The following CRY2 variants were observed in gnomAD, a reference collection of about 807,000 sequenced individuals.
CRY2 encodes cryptochrome-2.
In CRY2, 31 loss-of-function variants were observed where a neutral mutation model predicts 69.5. The observed-to-expected ratio is 0.45, with a 90% CI of 0.34 to 0.60. The LOEUF (loss-of-function observed/expected upper bound fraction) is 0.60, where lower values mean the gene tolerates loss of function less well. Ranked by LOEUF, CRY2 falls within the 20% of genes least tolerant of loss-of-function variation. The pLI, the probability that CRY2 is intolerant of heterozygous loss-of-function variation, is 0.02. For missense variants in CRY2, 606 were observed against 797.8 expected (o/e 0.76, Z 2.90); for synonymous variants, 303 against 312.2 (o/e 0.97, Z 0.31).
intron 2 of CRY2, 50 bp downstream of exon 2, chr11:45,856,140 T>C (rs1467759318): frequency 7.3e-7 from 1 of 1,378,050 alleles, no homozygotes; most frequent in Admixed American, 1.7e-5. Context: ...TCCCTGACGG[T>C]TTCCCCACAG....
chr11:45,869,058 T>A (rs2086353570), intron 6 of CRY2, among the ~76,000 whole-genome samples: 1 of 152,236 alleles, frequency 6.6e-6, no homozygotes, highest in Non-Finnish European at 1.5e-5. Flanking sequence ...GAGGTCTGAT[T>A]TCTTAATTAC....
upstream of CRY2, chr11:45,847,180 T>G: frequency 6.5e-7 from 1 of 1,548,772 alleles, no homozygotes. Flanking sequence ...CCCTTGAGAC[T>G]TGGCCTACTC....
chr11:45,858,959 G>A (rs1181376901), intron 3 of CRY2, 86 bp downstream of exon 3: 5 of 1,512,284 alleles, frequency 3.3e-6, no homozygotes, highest in Non-Finnish European at 4.5e-6. Flanking sequence ...GAGAGGTTCA[G>A]CATTAGGGCT....
At position 45,860,900 on chromosome 11, in the gene CRY2, G is replaced by A. The variant is rs765837963; in HGVS notation, c.520G>A (p.Ala174Thr). Residue 174 changes from alanine to threonine, a missense_variant, in exon 4 of 12, where the codon GCC becomes ACC. Transcript: ENST00000616080. ...ACCCCTTACATACAAGCGCTTTCAG[G>A]CCATCATCAGCCGCATGGAGCTGCC... ...KPPLTYKRFQ[A>T]IISRMELPKK... The A allele has an allele frequency of 4.3e-6, 7 of 1,613,994 alleles. No individual in the cohort carries two copies. Among genetic ancestry groups the A allele is most frequent in the Non-Finnish European group, 5.9e-6 (7 of 1,180,044 alleles).
At chr11:45,860,503 C>T (rs755524246) in intron 3 of CRY2, among the ~76,000 whole-genome samples, 11 of 151,910 alleles carry the variant, frequency 7.2e-5, no homozygotes, top group Non-Finnish European at 1.3e-4. Context: ...AGGCCAAGTG[C>T]CAAGCAGGCT....
chr11:45,859,654 C>A (rs1163835262), intron 3 of CRY2, among the ~76,000 whole-genome samples: 2 of 152,076 alleles, frequency 1.3e-5, no homozygotes, highest in African/African-American at 2.4e-5. Flanking sequence ...GAGATCCCTG[C>A]AGGGAGCTGC....
intron 5 of CRY2, among the ~76,000 whole-genome samples, chr11:45,863,198 A>G (rs571565170): frequency 6.6e-6 from 1 of 152,356 alleles, no homozygotes; most frequent in African/African-American, 2.4e-5. Context: ...GTCCACATCA[A>G]AAGGTTCACC....
At position 45,881,211 on chromosome 11, in the gene CRY2, C is replaced by G. The variant is rs1463925959; in HGVS notation, c.*300C>G. ...AGTGACTTTCAGCTGAGACCTGTTC[C>G]TGCAAGCCAGCTGCCTTGTCTGAAC... On this transcript the variant is annotated 3_prime_UTR_variant, in exon 12 of 12. Transcript: ENST00000616080. The G allele has an allele frequency of 6.6e-6, 1 of 152,334 alleles. No individual in the cohort carries two copies. Among genetic ancestry groups the G allele is most frequent in the African/African-American group, 2.4e-5 (1 of 41,456 alleles). The allele number at this position is 152,334 out of a possible 1,614,324, so 9.4% of individuals were successfully genotyped here.
chr11:45,877,527 G>A (rs1003270604), intron 11 of CRY2, among the ~76,000 whole-genome samples: 4 of 152,206 alleles, frequency 2.6e-5, no homozygotes, highest in Admixed American at 6.5e-5. Flanking sequence ...TACCCAGGAG[G>A]CCATGCTAAC....
intron 1 of CRY2, among the ~76,000 whole-genome samples, chr11:45,849,125 G>A (rs2086174422): frequency 1.3e-5 from 2 of 152,242 alleles, no homozygotes; most frequent in Middle Eastern, 6.8e-3. Flanking sequence ...TTGGGTTTTG[G>A]GGGACATTGC....
Position 45,860,795 on chromosome 11 carries a change from A to G in CRY2, c.468-53A>G, listed in dbSNP as rs2086281421. The G allele has an allele frequency of 4.4e-6, 7 of 1,578,236 alleles. No individual in the cohort carries two copies. The South Asian group carries it at 7.9e-5, about 18-fold the overall frequency. Reference sequence around the variant, plus strand: ...TGGGTTCTTTTTTGGGTGGGCAGGGACCCACATCACAGGGCCATGTGGGTA... The same window carrying G: ...TGGGTTCTTTTTTGGGTGGGCAGGGGCCCACATCACAGGGCCATGTGGGTA... On this transcript the variant is annotated intron_variant, in intron 3 of 11. Coordinates refer to ENST00000616080, the MANE Select transcript of CRY2 (RefSeq NM_021117.5).
rs1410253589 is a variant in CRY2 at position 45,865,865 on chromosome 11, G to A, written c.742-1747G>A. On this transcript the variant is annotated intron_variant, in intron 5 of 11. Coordinates refer to ENST00000616080, the MANE Select transcript of CRY2 (RefSeq NM_021117.5). ...GGAAGCCCACTGTGTACATTATCCC[G>A]AGCAACAGGCATTACATTACTCTGG... 2.6e-5 allele frequency among the ~76,000 whole-genome samples: 4 copies of A among 152,308 alleles called. No homozygotes were observed. The East Asian group carries it at 5.8e-4, about 22-fold the overall frequency.
Position 45,860,998 on chromosome 11 carries a change from C to A in CRY2, c.618C>A (p.Asp206Glu). ...GGGCCGAGATCCAGGAGAACCACGA[C>A]GAGACCTACGGCGTGCCCTCCCTGG... is the stretch of plus-strand genomic sequence containing the variant. ...SCRAEIQENHDETYGVPSLEE... is the reference protein window; with the variant it reads ...SCRAEIQENHEETYGVPSLEE... Residue 206 changes from aspartate to glutamate, a missense_variant, in exon 4 of 12, where the codon GAC becomes GAA. Physicochemically the swap from Asp to Glu is conservative, Grantham distance 45. Coordinates refer to ENST00000616080, the MANE Select transcript of CRY2 (RefSeq NM_021117.5). The A allele has an allele frequency of 5.0e-6, 8 of 1,613,722 alleles. No homozygotes were observed. The highest frequency in any genetic ancestry group is 6.8e-6 in the Non-Finnish European group (8 of 1,180,020).
At position 45,847,676 on chromosome 11, in the gene CRY2, C is replaced by G. The variant is rs769476060; in HGVS notation, c.186C>G (p.Ala62=). Residue 62 remains alanine, a synonymous_variant, in exon 1 of 12, where the codon GCC becomes GCG. Coordinates refer to ENST00000616080, the MANE Select transcript of CRY2 (RefSeq NM_021117.5). ...CVYILDPWFA[A]SSSVGINRWR... is the part of the protein sequence containing the mutation. Reference sequence around the variant, plus strand: ...ACATTCTCGACCCGTGGTTCGCGGCCTCCTCCTCAGTCGGGATCAACCGAT... The same window carrying G: ...ACATTCTCGACCCGTGGTTCGCGGCGTCCTCCTCAGTCGGGATCAACCGAT... The G allele has an allele frequency of 1.9e-5, 30 of 1,585,800 alleles. No homozygotes were observed. In the Admixed American group the frequency reaches 3.0e-4, roughly 16 times the overall value.
chr11:45,855,367 A>C (rs2086231455), intron 1 of CRY2, among the ~76,000 whole-genome samples: 2 of 152,180 alleles, frequency 1.3e-5, no homozygotes, highest in African/African-American at 2.4e-5. Context: ...ATGCATGCAG[A>C]AAGTCAAGGA....
intron 11 of CRY2, among the ~76,000 whole-genome samples, chr11:45,874,825 C>G (rs1409907048): frequency 1.3e-5 from 2 of 151,842 alleles, no homozygotes; most frequent in African/African-American, 2.4e-5. Flanking sequence ...TGCCTGTAGT[C>G]CCAGCTACTT....
chr11:45,873,369 C>G lies in CRY2; in HGVS notation c.*2+1136C>G, dbSNP rs1264279702. Among the ~76,000 whole-genome samples the G allele has an allele frequency of 2.0e-5, 3 of 152,340 alleles. No individual in the cohort carries two copies. The South Asian group carries it at 6.2e-4, about 32-fold the overall frequency. On this transcript the variant is annotated intron_variant, in intron 11 of 11. Transcript: ENST00000616080. ...GGCATTTGATGCCTGCACCCTTCAC[C>G]TTTCCTGGGCTCTTTGACATAGACA... is the stretch of plus-strand genomic sequence containing the variant.
intron 6 of CRY2, 87 bp from the exon 7 acceptor site, chr11:45,869,419 C>A: frequency 7.1e-7 from 1 of 1,414,242 alleles, no homozygotes; most frequent in Non-Finnish European, 9.6e-7. Context: ...TTTGGAGGGC[C>A]CAGATTCCTT....
At chr11:45,854,152 C>A (rs2086220007) in intron 1 of CRY2, among the ~76,000 whole-genome samples, 1 of 152,182 alleles carries the variant, frequency 6.6e-6, no homozygotes, top group Non-Finnish European at 1.5e-5. Context: ...TGTGCCATTT[C>A]TATTGTTGAC....
Sources: allele counts gnomAD v4.1 joint callset (sites outside exome capture counted in the v4.1 genomes callset), GRCh38; gene constraint gnomAD v4.1.1; transcripts MANE v1.5; gene names NCBI Gene and HGNC (gene_info 2026-07-23, HGNC 2026-07-21).